KCNIP1: variants seen among roughly 807,000 people sequenced by gnomAD.
KCNIP1 encodes A-type potassium channel modulatory protein KCNIP1.
Under a neutral mutation model 33.0 loss-of-function variants are expected in KCNIP1, and 18 were observed. The observed-to-expected ratio is 0.55, with a 90% CI of 0.38 to 0.81. KCNIP1 has a LOEUF of 0.81. Among genes scored for constraint, KCNIP1 ranks in the 30% least tolerant of loss-of-function variants. The pLI is 0.00. For synonymous variants in KCNIP1, 93 were observed against 98.3 expected, an observed-to-expected ratio of 0.95 and a Z score of 0.32; for missense variants, 238 against 271.6, an observed-to-expected ratio of 0.88 and a Z score of 0.87.
intron 1 of KCNIP1, among the ~76,000 whole-genome samples, chr5:170,588,092 G>A (rs1383803550): frequency 6.6e-5 from 10 of 152,232 alleles, no homozygotes; most frequent in African/African-American, 2.4e-4. Context: ...ATCTGCTGGA[G>A]AGTGCAATCT....
intron 1 of KCNIP1, among the ~76,000 whole-genome samples, chr5:170,508,762 A>G (rs1422615): frequency 0.014 from 2,067 of 152,190 alleles, 51 homozygotes; most frequent in African/African-American, 0.047. Context: ...CCAAGACCTC[A>G]CTCAGCAATT....
chr5:170,730,732 G>C (rs777938328), intron 5 of KCNIP1, among the ~76,000 whole-genome samples: 1 of 151,918 alleles, frequency 6.6e-6, no homozygotes, highest in African/African-American at 2.4e-5. Context: ...ACCATTCTTC[G>C]ATAAACAGAA....
intron 1 of KCNIP1, among the ~76,000 whole-genome samples, chr5:170,652,798 T>C (rs181993647): frequency 1.8e-4 from 27 of 152,366 alleles, no homozygotes; most frequent in Admixed American, 1.5e-3. Flanking sequence ...ATATCAGCTC[T>C]GTTTTTGTCA....
intron 1 of KCNIP1, among the ~76,000 whole-genome samples, chr5:170,711,749 A>C (rs1362814896): frequency 6.6e-6 from 1 of 152,234 alleles, no homozygotes; most frequent in Non-Finnish European, 1.5e-5. Flanking sequence ...ATAAATAAAT[A>C]CAAATGCCAC....
At chr5:170,466,915 T>A (rs11134629) in intron 1 of KCNIP1, among the ~76,000 whole-genome samples, 13,498 of 152,180 alleles carry the variant, frequency 0.089, 699 homozygotes, top group East Asian at 0.26. Context: ...CCAAGAAGGA[T>A]GAATGAAAAT....
intron 1 of KCNIP1, chr5:170,385,282 TG>T: frequency 6.2e-7 from 1 of 1,611,874 alleles, no homozygotes; most frequent in Non-Finnish European, 8.5e-7. Context: ...AGGAGAGGGT[TG>T]GGGGGTGGGC....
intron 1 of KCNIP1, among the ~76,000 whole-genome samples, chr5:170,404,731 G>GCCCA (rs894748030): frequency 1.3e-5 from 2 of 152,206 alleles, no homozygotes; most frequent in African/African-American, 4.8e-5. Flanking sequence ...CATGAGGCTA[G>GCCCA]CCCAGACTCA....
chr5:170,665,064 C>T (rs548638246), intron 1 of KCNIP1, among the ~76,000 whole-genome samples: 10 of 152,220 alleles, frequency 6.6e-5, no homozygotes, highest in South Asian at 2.1e-4. Context: ...TAATACACAG[C>T]GCGGGGAATG....
chr5:170,497,130 T>C (rs1384850661), intron 1 of KCNIP1, among the ~76,000 whole-genome samples: 1 of 152,150 alleles, frequency 6.6e-6, no homozygotes, highest in South Asian at 2.1e-4. Context: ...TCAGGTGTGA[T>C]GAACAGGAGG....
At chr5:170,495,687 C>G (rs906537835) in intron 1 of KCNIP1, among the ~76,000 whole-genome samples, 1 of 152,224 alleles carries the variant, frequency 6.6e-6, no homozygotes, top group Non-Finnish European at 1.5e-5. Flanking sequence ...TCTCAAAATC[C>G]AAGATGTGAC....
intron 1 of KCNIP1, among the ~76,000 whole-genome samples, chr5:170,571,274 A>C (rs1223939366): frequency 6.6e-6 from 1 of 152,170 alleles, no homozygotes; most frequent in Non-Finnish European, 1.5e-5. Flanking sequence ...TTAGGTCACT[A>C]ACCCTTTGAC....
In KCNIP1 at chr5:170,644,355, A is replaced by G. The variant is rs905372910; in HGVS notation, c.62-74403A>G. Among the ~76,000 whole-genome samples, 9 of 152,174 alleles carry G rather than the reference A, an allele frequency of 5.9e-5. 1 individual carries two copies. Among genetic ancestry groups the G allele is most frequent in the African/African-American group, 2.2e-4 (9 of 41,428 alleles). ...GCGGGAGACTCTTGAGCAGAGATTG[A>G]GTGTGTTGATATCTGTAGGCATCAG... On this transcript the variant is annotated intron_variant, in intron 1 of 7. Coordinates refer to ENST00000328939, the MANE Select transcript of KCNIP1 (RefSeq NM_014592.4).
In KCNIP1 at chr5:170,622,607, C is replaced by T. The variant is rs566989419; in HGVS notation, c.62-96151C>T. Among the ~76,000 whole-genome samples the T allele has an allele frequency of 5.7e-3, 763 of 133,008 alleles. 36 individuals are homozygous for T. In the Admixed American group the frequency reaches 0.06, roughly 10 times the overall value. 87.3% of individuals were successfully genotyped at this position (133,008 alleles called of 152,430 possible). A position where few individuals can be genotyped will look rare whatever the true frequency, so the allele number is the denominator to read the frequency against. On this transcript the variant is annotated intron_variant, in intron 1 of 7. Coordinates refer to ENST00000328939, the MANE Select transcript of KCNIP1 (RefSeq NM_014592.4). ...ACTGCACTCCAGCCTAGGTGACAAGCGTGAGACTCTGTCTCAAAAAAAAAA... is the reference window on the plus strand; with the variant it reads ...ACTGCACTCCAGCCTAGGTGACAAGTGTGAGACTCTGTCTCAAAAAAAAAA...
intron 1 of KCNIP1, among the ~76,000 whole-genome samples, chr5:170,438,393 CT>C: frequency 6.6e-6 from 1 of 152,198 alleles, no homozygotes; most frequent in Non-Finnish European, 1.5e-5. Context: ...TGAGGAGGGT[CT>C]CCTGTCCTAG....
chr5:170,430,883 G>A (rs953407971), intron 1 of KCNIP1, among the ~76,000 whole-genome samples: 1 of 152,176 alleles, frequency 6.6e-6, no homozygotes, highest in African/African-American at 2.4e-5. Flanking sequence ...TCTCATAGAT[G>A]AGCGGCCAGC....
chr5:170,429,895 T>C (rs1450935711), intron 1 of KCNIP1, among the ~76,000 whole-genome samples: 1 of 152,216 alleles, frequency 6.6e-6, no homozygotes, highest in African/African-American at 2.4e-5. Flanking sequence ...GGAAATATGA[T>C]CATGTCTAAT....
At chr5:170,450,727 T>A (rs1381439671) in intron 1 of KCNIP1, among the ~76,000 whole-genome samples, 2 of 152,162 alleles carry the variant, frequency 1.3e-5, no homozygotes, top group Non-Finnish European at 2.9e-5. Context: ...CCCTTCTCTT[T>A]CTCTGGCCAA....
At chr5:170,510,565 G>A (rs1754895287) in intron 1 of KCNIP1, among the ~76,000 whole-genome samples, 1 of 152,214 alleles carries the variant, frequency 6.6e-6, no homozygotes, top group South Asian at 2.1e-4. Context: ...GAGCCTAAGA[G>A]TCCTAGGGCC....
At chr5:170,487,223 CT>C (rs1488997969) in intron 1 of KCNIP1, among the ~76,000 whole-genome samples, 2 of 152,138 alleles carry the variant, frequency 1.3e-5, no homozygotes, top group African/African-American at 4.8e-5. Context: ...AGACCTCAGT[CT>C]TTTTCCCTGA....
Sources: allele counts gnomAD v4.1 joint callset (sites outside exome capture counted in the v4.1 genomes callset), GRCh38; gene constraint gnomAD v4.1.1; transcripts MANE v1.5; gene names NCBI Gene and HGNC (gene_info 2026-07-23, HGNC 2026-07-21).